Variants in TMC1 observed in about 807,000 individuals in gnomAD.
TMC1 encodes transmembrane channel-like protein 1.
A neutral mutation model predicts 105.8 loss-of-function variants in TMC1; 84 were observed. That is an observed-to-expected ratio of 0.79 (90% CI 0.67 to 0.95). The LOEUF (loss-of-function observed/expected upper bound fraction) is 0.95. TMC1 is among the 40% of genes least tolerant of loss of function. TMC1 has a pLI of 0.00. For synonymous variants in TMC1, 315 were observed against 311.5 expected (o/e 1.01, Z -0.12); for missense variants, 817 against 914.1 (o/e 0.89, Z 1.37).
chr9:72,572,964 C>T (rs943497244), intron 1 of TMC1, among the ~76,000 whole-genome samples: 1 of 152,088 alleles, frequency 6.6e-6, no homozygotes, highest in African/African-American at 2.4e-5. Flanking sequence ...TGCACTCCAA[C>T]ACAGGGGACA....
At chr9:72,760,142 GTTA>G (rs943318450) in intron 12 of TMC1, among the ~76,000 whole-genome samples, 9 of 151,650 alleles carry the variant, frequency 5.9e-5, no homozygotes, top group East Asian at 3.9e-4. Context: ...TTTGAAAATT[GTTA>G]TTATTAATTT....
At chr9:72,582,347 G>A (rs1025123016) in intron 2 of TMC1, among the ~76,000 whole-genome samples, 1 of 152,214 alleles carries the variant, frequency 6.6e-6, no homozygotes, top group Non-Finnish European at 1.5e-5. Context: ...ATGCTTTAAT[G>A]TCCTGTCTGT....
chr9:72,613,300 AT>A (rs1220636429), intron 2 of TMC1, among the ~76,000 whole-genome samples: 5 of 151,648 alleles, frequency 3.3e-5, no homozygotes, highest in African/African-American at 1.2e-4. Flanking sequence ...TAATTTCTGT[AT>A]TTTTAGTAGA....
At chr9:72,635,373 A>G (rs1393427304) in intron 4 of TMC1, among the ~76,000 whole-genome samples, 1 of 152,032 alleles carries the variant, frequency 6.6e-6, no homozygotes, top group Non-Finnish European at 1.5e-5. Flanking sequence ...GAAAGTTCCA[A>G]CTCTAACCAC....
At chr9:72,621,006 C>T (rs1825239021) in intron 3 of TMC1, among the ~76,000 whole-genome samples, 1 of 152,186 alleles carries the variant, frequency 6.6e-6, no homozygotes, top group Non-Finnish European at 1.5e-5. Flanking sequence ...CGTCAGTCTA[C>T]TTGGCAACCA....
In TMC1 at chr9:72,790,272, T is replaced by A. The variant is rs538316809; in HGVS notation, c.1224+955T>A. ...TAAGCATAGAATTTTCTAAAAAATC[T>A]TGGACAGCAAATGATATAATCTACT... is the stretch of plus-strand genomic sequence containing the variant. On this transcript the variant is annotated intron_variant, in intron 15 of 23. Coordinates refer to ENST00000297784, the MANE Select transcript of TMC1 (RefSeq NM_138691.3). 1.8e-4 allele frequency among the ~76,000 whole-genome samples: 27 copies of A among 152,310 alleles called. 1 individual carries two copies. The South Asian group carries it at 5.2e-3, about 29-fold the overall frequency.
intron 17 of TMC1, among the ~76,000 whole-genome samples, chr9:72,794,279 A>G (rs1282446457): frequency 5.9e-5 from 9 of 152,162 alleles, no homozygotes; most frequent in Non-Finnish European, 8.8e-5. Flanking sequence ...GAGAAGAAAC[A>G]TAACGCTGAG....
chr9:72,696,801 T>A (rs1461352670), intron 7 of TMC1, among the ~76,000 whole-genome samples: 2 of 152,168 alleles, frequency 1.3e-5, no homozygotes, highest in Admixed American at 1.3e-4. Flanking sequence ...AAATTCAGCA[T>A]ATTATGCCTT....
At chr9:72,656,165 G>C (rs761899033) in intron 5 of TMC1, 6 of 595,332 alleles carry the variant, frequency 1.0e-5, no homozygotes, top group Admixed American at 5.7e-5. Context: ...GGCTCCGTGG[G>C]TGTTTTTCCG....
chr9:72,539,094 T>G (rs530597458), intron 1 of TMC1, among the ~76,000 whole-genome samples: 185 of 106,504 alleles, frequency 1.7e-3, no homozygotes, highest in African/African-American at 7.9e-3. Flanking sequence ...AGAAATTTCT[T>G]CTGCTGCTGG....
At chr9:72,529,668 T>G (rs946224632) in intron 1 of TMC1, among the ~76,000 whole-genome samples, 1 of 143,174 alleles carries the variant, frequency 7.0e-6, no homozygotes, top group Admixed American at 7.0e-5. Context: ...TGTTTCTCTG[T>G]TTTTTTTTTT....
intron 4 of TMC1, among the ~76,000 whole-genome samples, chr9:72,633,950 T>C (rs1202357265): frequency 6.6e-6 from 1 of 152,146 alleles, no homozygotes; most frequent in Admixed American, 6.6e-5. Context: ...GAAAAACCAA[T>C]ACATCAAGGC....
chr9:72,806,390 G>A (rs1828587631), intron 18 of TMC1, among the ~76,000 whole-genome samples: 1 of 142,550 alleles, frequency 7.0e-6, no homozygotes. Flanking sequence ...CGGCTGGCCG[G>A]GCGGGGGGCT....
intron 20 of TMC1, 60 bp downstream of exon 20, chr9:72,821,141 T>C (rs1828866384): frequency 2.5e-6 from 4 of 1,610,676 alleles, no homozygotes; most frequent in South Asian, 1.1e-5. Context: ...GAGGTGGGAA[T>C]GGTCATTCAT....
intron 23 of TMC1, among the ~76,000 whole-genome samples, chr9:72,833,951 C>T (rs938757232): frequency 6.6e-6 from 1 of 151,132 alleles, no homozygotes; most frequent in African/African-American, 2.4e-5. Context: ...TCCTTGTGTA[C>T]TCATCAATGG....
intron 4 of TMC1, among the ~76,000 whole-genome samples, chr9:72,642,292 G>A (rs72731197): frequency 0.1 from 15,222 of 152,082 alleles, 942 homozygotes; most frequent in African/African-American, 0.16. Flanking sequence ...ACATATTATA[G>A]GGCCCCAGTG....
intron 23 of TMC1, among the ~76,000 whole-genome samples, chr9:72,834,327 GTTC>G (rs1829087165): frequency 1.3e-5 from 2 of 151,774 alleles, no homozygotes; most frequent in African/African-American, 4.8e-5. Context: ...AAGCTGTTTT[GTTC>G]TTCTTTCTCC....
At chr9:72,656,975 T>C (rs1825894208) in intron 5 of TMC1, among the ~76,000 whole-genome samples, 1 of 152,244 alleles carries the variant, frequency 6.6e-6, no homozygotes, top group South Asian at 2.1e-4. Context: ...AAGCTATTCC[T>C]GATTCTTGTA....
intron 8 of TMC1, among the ~76,000 whole-genome samples, chr9:72,737,134 G>A (rs2118003853): frequency 6.6e-6 from 1 of 152,266 alleles, no homozygotes; most frequent in African/African-American, 2.4e-5. Flanking sequence ...GTAGCTGATG[G>A]ATATGGTATG....
Sources: gnomAD v4.1 joint callset for allele counts (sites outside exome capture counted in the v4.1 genomes callset) on GRCh38, gnomAD v4.1.1 for gene constraint, MANE v1.5 for transcripts, NCBI Gene and HGNC (gene_info 2026-07-23, HGNC 2026-07-21) for gene names.